The following ANKS1B variants were observed in gnomAD, a reference collection of about 807,000 sequenced individuals.
The protein encoded by ANKS1B is ankyrin repeat and sterile alpha motif domain-containing protein 1B.
In ANKS1B, 36 loss-of-function variants were observed where a neutral mutation model predicts 148.3. The ratio of observed to expected loss-of-function variants is 0.24; its 90% CI spans 0.19 to 0.32. The LOEUF (loss-of-function observed/expected upper bound fraction) is 0.32. Ranked by LOEUF, ANKS1B falls within the 10% of genes least tolerant of loss-of-function variation. The probability of loss-of-function intolerance (pLI) is 1.00; values close to 1 mark genes in which losing one functional copy is unlikely to be tolerated. For synonymous variants in ANKS1B, 542 were observed against 560.8 expected (o/e 0.97, Z 0.47); for missense variants, 1,157 against 1,542.6 (o/e 0.75, Z 4.19).
At position 99,896,350 on chromosome 12, in the gene ANKS1B, A is replaced by T. The variant is rs991880673; in HGVS notation, c.135-70961T>A. ...ATCCTACAAATAAGTGAGATCATAT[A>T]GTATTTTTCTATGTTTGGCTTATTT... On this transcript the variant is annotated intron_variant, in intron 1 of 26. Transcript: ENST00000683438. 6.0e-5 allele frequency among the ~76,000 whole-genome samples: 9 copies of T among 151,210 alleles called. 2 individuals are homozygous for T. The highest frequency in any genetic ancestry group is 5.3e-4 in the Admixed American group (8 of 15,116).
intron 17 of ANKS1B, among the ~76,000 whole-genome samples, chr12:99,038,764 G>A (rs776863226): frequency 1.3e-5 from 2 of 152,292 alleles, no homozygotes; most frequent in South Asian, 2.1e-4. Context: ...TGCACTTGCC[G>A]CTCCCTCAGC....
chr12:98,850,123 C>T (rs536252134), intron 17 of ANKS1B, among the ~76,000 whole-genome samples: 1 of 152,134 alleles, frequency 6.6e-6, no homozygotes, highest in African/African-American at 2.4e-5. Context: ...CCCCATGACA[C>T]ACTATTTAAA....
chr12:98,866,403 C>T (rs573750978), intron 17 of ANKS1B, among the ~76,000 whole-genome samples: 9 of 152,268 alleles, frequency 5.9e-5, no homozygotes, highest in Non-Finnish European at 5.9e-5. Context: ...CTTCCCACAC[C>T]GAGCTAGAAT....
rs184438463 is a variant in ANKS1B, at chr12:99,734,386, G to A, written c.1128+38536C>T. Among the ~76,000 whole-genome samples, 222 of 152,122 alleles carry A rather than the reference G, an allele frequency of 1.5e-3. 1 individual carries two copies. The highest frequency in any genetic ancestry group is 2.3e-3 in the Non-Finnish European group (158 of 67,998). ...CAGCTCACTGCAATCTCCACCTCCC[G>A]GGTTCAAGCAACTCTCCTGCCTCAG... is the stretch of plus-strand genomic sequence containing the variant. On this transcript the variant is annotated intron_variant, in intron 8 of 26. Coordinates refer to ENST00000683438, the MANE Select transcript of ANKS1B (RefSeq NM_001352186.2).
At chr12:99,042,077 C>T (rs996303078) in intron 17 of ANKS1B, among the ~76,000 whole-genome samples, 1 of 152,032 alleles carries the variant, frequency 6.6e-6, no homozygotes, top group East Asian at 1.9e-4. Flanking sequence ...ACAACCCCCC[C>T]AAAATCTCTG....
intron 1 of ANKS1B, among the ~76,000 whole-genome samples, chr12:99,909,502 T>C (rs931788662): frequency 2.6e-5 from 4 of 152,162 alleles, no homozygotes; most frequent in Non-Finnish European, 5.9e-5. Flanking sequence ...TGCACTAATT[T>C]ACATACAAAA....
chr12:99,453,216 G>C (rs1031968653), intron 10 of ANKS1B, among the ~76,000 whole-genome samples: 1 of 152,082 alleles, frequency 6.6e-6, no homozygotes, highest in Non-Finnish European at 1.5e-5. Context: ...TGTGAACCCG[G>C]GAAGCAGAGC....
At chr12:99,463,785 G>A (rs1449872282) in intron 10 of ANKS1B, among the ~76,000 whole-genome samples, 1 of 152,212 alleles carries the variant, frequency 6.6e-6, no homozygotes, top group Admixed American at 6.5e-5. Flanking sequence ...CAAAGCAGCT[G>A]GGAAGCTCGA....
chr12:98,962,646 T>C (rs1482918324), intron 17 of ANKS1B, among the ~76,000 whole-genome samples: 1 of 152,164 alleles, frequency 6.6e-6, no homozygotes, highest in Non-Finnish European at 1.5e-5. Context: ...AGAGTACGCA[T>C]TCTTCTCGGC....
intron 1 of ANKS1B, among the ~76,000 whole-genome samples, chr12:99,968,429 G>A (rs1165644081): frequency 6.6e-6 from 1 of 152,024 alleles, no homozygotes; most frequent in African/African-American, 2.4e-5. Context: ...GTGGTGGCGG[G>A]CGCCTGTAGT....
At chr12:99,464,338 G>C (rs1055248588) in intron 10 of ANKS1B, among the ~76,000 whole-genome samples, 2 of 152,110 alleles carry the variant, frequency 1.3e-5, no homozygotes, top group African/African-American at 4.8e-5. Context: ...TACAAAGATG[G>C]GGAAAAAACA....
In ANKS1B at chr12:99,077,426, C is replaced by T. The variant is rs531560745; in HGVS notation, c.2625+7499G>A. ...ATGGGATGGGAGAATGAAAATAAGT[C>T]GCCCTGTCAAAAGGTACCATGAGAG... is the stretch of plus-strand genomic sequence containing the variant. On this transcript the variant is annotated intron_variant, in intron 16 of 26. Transcript: ENST00000683438. 5.6e-4 allele frequency among the ~76,000 whole-genome samples: 86 copies of T among 152,260 alleles called. 1 individual carries two copies. Among genetic ancestry groups the T allele is most frequent in the Middle Eastern group, 6.8e-3 (2 of 294 alleles).
intron 11 of ANKS1B, among the ~76,000 whole-genome samples, chr12:99,416,996 T>C (rs1479921675): frequency 3.3e-5 from 5 of 152,150 alleles, no homozygotes; most frequent in Non-Finnish European, 5.9e-5. Context: ...CCCCTCTGAT[T>C]TGGGGACTAT....
chr12:99,104,930 G>A (rs548484268), intron 15 of ANKS1B: 13 of 152,310 alleles, frequency 8.5e-5, no homozygotes, highest in African/African-American at 3.1e-4. Context: ...CTACCTTGCG[G>A]TAATTTGTTC....
intron 14 of ANKS1B, among the ~76,000 whole-genome samples, chr12:99,209,197 A>C (rs1026591432): frequency 7.4e-4 from 112 of 152,304 alleles, no homozygotes; most frequent in African/African-American, 2.6e-3. Context: ...TCCTTATTAA[A>C]GGTTCCAGCA....
At chr12:98,914,993 G>A (rs1051444552) in intron 17 of ANKS1B, among the ~76,000 whole-genome samples, 1 of 152,122 alleles carries the variant, frequency 6.6e-6, no homozygotes. Context: ...AGGCTTGTTT[G>A]TCTTCTTTGT....
intron 15 of ANKS1B, among the ~76,000 whole-genome samples, chr12:99,109,671 G>A (rs1286705070): frequency 6.6e-6 from 1 of 152,136 alleles, no homozygotes; most frequent in Admixed American, 6.6e-5. Flanking sequence ...AGGAAAAGCT[G>A]AGGCACAGAG....
chr12:99,780,942 AC>A, intron 5 of ANKS1B, among the ~76,000 whole-genome samples: 1 of 152,264 alleles, frequency 6.6e-6, no homozygotes, highest in South Asian at 2.1e-4. Context: ...GAAGTGTGTA[AC>A]TAAAACACCT....
At chr12:99,648,873 C>T in intron 9 of ANKS1B, 5 of 1,472,578 alleles carry the variant, frequency 3.4e-6, no homozygotes, top group Non-Finnish European at 3.6e-6. Flanking sequence ...GGTGCTGCAG[C>T]TCACCTGGGA....
Sources: allele counts gnomAD v4.1 joint callset (sites outside exome capture counted in the v4.1 genomes callset), GRCh38; gene constraint gnomAD v4.1.1; transcripts MANE v1.5; gene names NCBI Gene and HGNC (gene_info 2026-07-23, HGNC 2026-07-21).